The following IFT46 variants were observed in gnomAD, a reference collection of about 807,000 sequenced individuals.
IFT46 encodes the protein intraflagellar transport protein 46 homolog.
IFT46 carries 19 observed loss-of-function variants against 39.6 expected under a neutral mutation model. The ratio of observed to expected loss-of-function variants is 0.48; its 90% CI spans 0.33 to 0.70. IFT46 has a LOEUF of 0.70. Among genes scored for constraint, IFT46 ranks in the 30% least tolerant of loss-of-function variants. IFT46 has a pLI of 0.01. For missense variants in IFT46, 334 were observed against 364.8 expected (o/e 0.92, Z 0.69); for synonymous variants, 117 against 134.8 (o/e 0.87, Z 0.91).
At chr11:118,549,214 T>G (rs1951764335) in intron 9 of IFT46, among the ~76,000 whole-genome samples, 1 of 133,082 alleles carries the variant, frequency 7.5e-6, no homozygotes, top group Non-Finnish European at 1.8e-5. Flanking sequence ...TTTCTTTTCT[T>G]TTTTTTTTGT....
At chr11:118,561,320 ACAG>A in intron 2 of IFT46, 1 of 1,041,340 alleles carries the variant, frequency 9.6e-7, no homozygotes, top group Admixed American at 1.7e-5. Context: ...GCACTACTTA[ACAG>A]AAGAAGATGA....
At chr11:118,549,755 C>T (rs917531442) in intron 9 of IFT46, among the ~76,000 whole-genome samples, 2 of 151,136 alleles carry the variant, frequency 1.3e-5, no homozygotes, top group African/African-American at 4.9e-5. Context: ...GATCTCTTGA[C>T]CTCATGATCA....
chr11:118,555,450 G>C, intron 4 of IFT46, 128 bp from the exon 5 acceptor site: 1 of 662,282 alleles, frequency 1.5e-6, no homozygotes, highest in South Asian at 1.9e-5. Context: ...TCCAATATCT[G>C]CCTTTCCTGG....
chr11:118,576,759 A>C (rs1317032639), upstream of IFT46, among the ~76,000 whole-genome samples: 1 of 152,154 alleles, frequency 6.6e-6, no homozygotes, highest in African/African-American at 2.4e-5. Flanking sequence ...TCGGAGATTT[A>C]TGCTATACTT....
At chr11:118,572,803 G>T in exon 1 of IFT46, 1 of 460,660 alleles carries the variant, frequency 2.2e-6, no homozygotes, top group African/African-American at 2.0e-5. Context: ...CTCGTTTGCT[G>T]GGACCTGCCC....
intron 9 of IFT46, among the ~76,000 whole-genome samples, chr11:118,550,144 CCAGGCTGGT>C (rs1555068074): frequency 6.6e-6 from 1 of 151,922 alleles, no homozygotes; most frequent in African/African-American, 2.4e-5. Flanking sequence ...GCCATGTTGG[CCAGGCTGGT>C]CTCAAACTCT....
chr11:118,557,730 T>A, intron 3 of IFT46: 2 of 1,613,952 alleles, frequency 1.2e-6, no homozygotes, highest in Non-Finnish European at 1.7e-6. Flanking sequence ...CTTGACATTA[T>A]AACCTACCTT....
chr11:118,570,784 G>A (rs1938320821), upstream of IFT46, among the ~76,000 whole-genome samples: 1 of 152,154 alleles, frequency 6.6e-6, no homozygotes, highest in Non-Finnish European at 1.5e-5. Context: ...AAATGGACAT[G>A]AGCACAACTG....
rs139391241 is a variant in IFT46 at position 118,555,251 on chromosome 11, C to T, written c.257G>A (p.Ser86Asn). 24 of 1,611,498 alleles carry T rather than the reference C, an allele frequency of 1.5e-5. No homozygotes were observed. In the African/African-American group the frequency reaches 3.1e-4, roughly 21 times the overall value. Residue 86 changes from serine to asparagine, a missense_variant, in exon 5 of 12, where the codon AGT (serine) becomes AAT (asparagine). Physicochemically the swap from Ser to Asn is conservative, Grantham distance 46. Transcript: ENST00000264021. ...GGTGGGAGGTCCTAGTACTCACCTA[C>T]TGATGTACTGGAAGAGTTCCTTAAT... is the stretch of plus-strand genomic sequence containing the variant. ...AEIKELFQYI[S>N]RYTPQLIDLD...
intron 3 of IFT46, chr11:118,557,866 C>T (rs1937895189): frequency 6.2e-7 from 1 of 1,606,584 alleles, no homozygotes; most frequent in South Asian, 1.1e-5. Context: ...TGGCCTGGAG[C>T]CTGTGGCATG....
chr11:118,560,618 CT>C, intron 2 of IFT46: 1 of 395,892 alleles, frequency 2.5e-6, no homozygotes, highest in Non-Finnish European at 4.7e-6. Flanking sequence ...ATGATTTTGC[CT>C]TTTCACCCCC....
chr11:118,563,007 G>C (rs1555070821), intron 2 of IFT46, among the ~76,000 whole-genome samples: 1 of 151,974 alleles, frequency 6.6e-6, no homozygotes, highest in Non-Finnish European at 1.5e-5. Flanking sequence ...GTAGGTTGCA[G>C]TGAGCCAAGA....
intron 2 of IFT46, among the ~76,000 whole-genome samples, chr11:118,564,481 CG>C (rs1162584663): frequency 6.6e-6 from 1 of 152,034 alleles, no homozygotes; most frequent in Non-Finnish European, 1.5e-5. Flanking sequence ...GAGGCCAAAG[CG>C]GAAGGACTGC....
rs1367513175 is a variant in IFT46, at chr11:118,560,446, G to T, written c.-35-582C>A. 531 of 133,220 alleles carry T rather than the reference G, an allele frequency of 4.0e-3. 10 individuals are homozygous for T. The highest frequency in any genetic ancestry group is 0.016 in the African/African-American group (481 of 29,840). 8.3% of individuals were successfully genotyped at this position (133,220 alleles called of 1,614,324 possible). A position where few individuals can be genotyped will look rare whatever the true frequency, so the allele number is the denominator to read the frequency against. On this transcript the variant is annotated intron_variant, in intron 2 of 11. Coordinates refer to ENST00000264021, the MANE Select transcript of IFT46 (RefSeq NM_001168618.2). ...GTCAGAAACGGAATGGGAGGGGAAGGGAGGGGAGGGGAGGGGAGGGGAGGG... is the reference window on the plus strand; with the variant it reads ...GTCAGAAACGGAATGGGAGGGGAAGTGAGGGGAGGGGAGGGGAGGGGAGGG...
At chr11:118,548,893 C>CTT (rs570165873) in intron 9 of IFT46, among the ~76,000 whole-genome samples, 9 of 135,456 alleles carry the variant, frequency 6.6e-5, no homozygotes, top group Non-Finnish European at 9.6e-5. Flanking sequence ...TCCATTATGA[C>CTT]TTTTTTTTTT....
chr11:118,572,930 G>A, exon 1 of IFT46: 1 of 261,368 alleles, frequency 3.8e-6, no homozygotes, highest in Non-Finnish European at 7.2e-6. Flanking sequence ...AGGCTCAGCA[G>A]GCTGGGCCTG....
In IFT46 at chr11:118,545,305, AGACAT is replaced by A. The variant is rs1159975393; in HGVS notation, c.819+99_819+103del. 2.0e-4 allele frequency: 174 copies of A among 874,458 alleles called. No individual in the cohort carries two copies. The African/African-American group carries it at 2.4e-3, about 12-fold the overall frequency. The allele number at this position is 874,458 out of a possible 1,614,324, so 54.2% of individuals were successfully genotyped here. Reference sequence around the variant, plus strand: ...GGAAAGGGCGAAGGTAACTGGGCAGAGACATCCTACATCGCTATAGGATGCAATCA... The same window carrying A: ...GGAAAGGGCGAAGGTAACTGGGCAGACCTACATCGCTATAGGATGCAATCA... On this transcript the variant is annotated intron_variant, in intron 11 of 11. Transcript: ENST00000264021.
At chr11:118,558,354 T>A (rs1219906813) in intron 3 of IFT46, among the ~76,000 whole-genome samples, 1 of 152,164 alleles carries the variant, frequency 6.6e-6, no homozygotes, top group African/African-American at 2.4e-5. Context: ...CCCAGCACTT[T>A]GGGAGACCGA....
At chr11:118,566,536 T>C (rs1324144035), upstream of IFT46, among the ~76,000 whole-genome samples, 1 of 151,884 alleles carries the variant, frequency 6.6e-6, no homozygotes, top group Non-Finnish European at 1.5e-5. Flanking sequence ...ACTAAAAAAT[T>C]CAAAAAATTA....
Sources: allele counts gnomAD v4.1 joint callset (sites outside exome capture counted in the v4.1 genomes callset), GRCh38; gene constraint gnomAD v4.1.1; transcripts MANE v1.5; gene names NCBI Gene and HGNC (gene_info 2026-07-23, HGNC 2026-07-21).